Variants in PIK3C2G observed in about 807,000 individuals in gnomAD.
PIK3C2G encodes the protein phosphatidylinositol-4-phosphate 3-kinase catalytic subunit type 2 gamma.
Under a neutral mutation model 181.1 loss-of-function variants are expected in PIK3C2G, and 168 were observed. The ratio of observed to expected loss-of-function variants is 0.93; its 90% CI spans 0.82 to 1.05. PIK3C2G has a LOEUF of 1.05. Ranked by LOEUF, PIK3C2G falls within the 50% of genes least tolerant of loss-of-function variation. The probability of loss-of-function intolerance (pLI) is 0.00; values close to 1 mark genes in which losing one functional copy is unlikely to be tolerated. For synonymous variants in PIK3C2G, 573 were observed against 592.2 expected (o/e 0.97, Z 0.47); for missense variants, 1,869 against 1,732.8 (o/e 1.08, Z -1.40).
the PIK3C2G span, among the ~76,000 whole-genome samples, chr12:18,680,738 G>T: frequency 6.6e-6 from 1 of 151,990 alleles, no homozygotes; most frequent in Non-Finnish European, 1.5e-5. Context: ...ACACAACATG[G>T]GAAGCCATAG....
chr12:18,492,625 T>C (rs1039394627), intron 20 of PIK3C2G, among the ~76,000 whole-genome samples: 17 of 152,232 alleles, frequency 1.1e-4, no homozygotes, highest in African/African-American at 4.1e-4. Context: ...GAACTCAGCA[T>C]TTCAAAGACA....
At chr12:18,596,761 T>TAC (rs1255497706) in intron 30 of PIK3C2G, among the ~76,000 whole-genome samples, 1 of 152,100 alleles carries the variant, frequency 6.6e-6, no homozygotes, top group Middle Eastern at 3.2e-3. Flanking sequence ...CCATGCCATC[T>TAC]ACATGCCAGG....
chr12:18,517,440 T>G (rs1816940), intron 24 of PIK3C2G, among the ~76,000 whole-genome samples: 25,721 of 152,152 alleles, frequency 0.17, 2,605 homozygotes, highest in South Asian at 0.38. Flanking sequence ...CTTGAAGAGG[T>G]CCTTCACATC....
At chr12:18,304,821 G>C (rs889283814) in intron 5 of PIK3C2G, among the ~76,000 whole-genome samples, 2 of 152,144 alleles carry the variant, frequency 1.3e-5, no homozygotes, top group African/African-American at 4.8e-5. Flanking sequence ...ATTTGTTACA[G>C]CCTAAGACTT....
At chr12:18,500,119 C>T (rs1020848573) in intron 22 of PIK3C2G, among the ~76,000 whole-genome samples, 1 of 152,194 alleles carries the variant, frequency 6.6e-6, no homozygotes, top group African/African-American at 2.4e-5. Flanking sequence ...CCGGAGCTGG[C>T]TCCCTCAGCT....
the PIK3C2G span, among the ~76,000 whole-genome samples, chr12:18,700,419 AG>A: frequency 1.3e-5 from 2 of 148,346 alleles, no homozygotes; most frequent in African/African-American, 4.9e-5. Flanking sequence ...AGTATGAGTC[AG>A]GCAGATTGGG....
At chr12:18,563,238 C>A (rs1472829973) in intron 27 of PIK3C2G, 139 bp from the exon 28 acceptor site, 2 of 746,850 alleles carry the variant, frequency 2.7e-6, no homozygotes, top group Non-Finnish European at 4.2e-6. Context: ...TTTGCCTTTA[C>A]AAAATGCATC....
the PIK3C2G span, among the ~76,000 whole-genome samples, chr12:18,713,398 A>G: frequency 1.6e-4 from 25 of 152,184 alleles, no homozygotes; most frequent in Non-Finnish European, 3.4e-4. Context: ...GCCCTCTCAG[A>G]ATAGTAAAAT....
intron 16 of PIK3C2G, 76 bp downstream of exon 16, chr12:18,399,923 T>C (rs1312082067): frequency 1.3e-6 from 1 of 768,098 alleles, no homozygotes; most frequent in Non-Finnish European, 1.9e-6. Context: ...ACCATATAAT[T>C]AATTCAATAG....
intron 31 of PIK3C2G, among the ~76,000 whole-genome samples, chr12:18,613,289 T>C (rs75482814): frequency 0.011 from 1,606 of 152,136 alleles, 26 homozygotes; most frequent in African/African-American, 0.036. Context: ...TCTTCTGATA[T>C]TGAATCTACC....
At chr12:18,257,703 C>A (rs1948159752), upstream of PIK3C2G, among the ~76,000 whole-genome samples, 5 of 129,922 alleles carry the variant, frequency 3.8e-5, no homozygotes, top group South Asian at 2.4e-4. Context: ...AGAAAGAAGA[C>A]AAAGGAGACA....
At chr12:18,444,824 G>A (rs1946939550) in intron 18 of PIK3C2G, among the ~76,000 whole-genome samples, 1 of 152,024 alleles carries the variant, frequency 6.6e-6, no homozygotes. Context: ...TCCTAAGTTT[G>A]ATATGTTCAT....
the PIK3C2G span, among the ~76,000 whole-genome samples, chr12:18,679,709 A>G: frequency 4.6e-5 from 7 of 152,066 alleles, no homozygotes; most frequent in East Asian, 1.4e-3. Context: ...TGATTAATAC[A>G]TTAGAAAAAA....
chr12:18,434,208 C>G (rs1565718471), intron 18 of PIK3C2G, among the ~76,000 whole-genome samples: 1 of 152,116 alleles, frequency 6.6e-6, no homozygotes, highest in African/African-American at 2.4e-5. Context: ...GAAAAGCAAA[C>G]TGACTTTTGG....
intron 18 of PIK3C2G, among the ~76,000 whole-genome samples, chr12:18,479,031 A>G (rs1455736608): frequency 6.7e-6 from 1 of 148,730 alleles, no homozygotes; most frequent in Non-Finnish European, 1.5e-5. Flanking sequence ...ACACACACAC[A>G]TATATACATT....
At chr12:18,312,674 G>T (rs1186562324) in intron 5 of PIK3C2G, among the ~76,000 whole-genome samples, 2 of 152,062 alleles carry the variant, frequency 1.3e-5, no homozygotes, top group African/African-American at 4.8e-5. Flanking sequence ...AACAGTGTAA[G>T]AGCCCTATGG....
intron 18 of PIK3C2G, among the ~76,000 whole-genome samples, chr12:18,442,874 A>ATTT (rs201145589): frequency 6.9e-6 from 1 of 143,898 alleles, no homozygotes; most frequent in East Asian, 2.0e-4. Flanking sequence ...AATATCCTAC[A>ATTT]TTTTTTTTTT....
At chr12:18,658,083 C>T in the PIK3C2G span, among the ~76,000 whole-genome samples, 1 of 152,018 alleles carries the variant, frequency 6.6e-6, no homozygotes, top group African/African-American at 2.4e-5. Flanking sequence ...TTCAGCAGTA[C>T]ACTTGAGCAG....
At chr12:18,561,048 A>G (rs867476944) in intron 26 of PIK3C2G, among the ~76,000 whole-genome samples, 71 of 152,254 alleles carry the variant, frequency 4.7e-4, no homozygotes, top group African/African-American at 1.6e-3. Flanking sequence ...ACTTTCAAGT[A>G]TAAAGGCCAC....
Sources: allele counts gnomAD v4.1 joint callset (sites outside exome capture counted in the v4.1 genomes callset), GRCh38; gene constraint gnomAD v4.1.1; transcripts MANE v1.5; gene names NCBI Gene and HGNC (gene_info 2026-07-23, HGNC 2026-07-21).